Variants in ZNF563 observed in about 807,000 individuals in gnomAD.
ZNF563 encodes zinc finger protein 563.
Under a neutral mutation model 48.5 loss-of-function variants are expected in ZNF563, and 39 were observed. The observed-to-expected ratio is 0.80, with a 90% CI of 0.62 to 1.05. The LOEUF (loss-of-function observed/expected upper bound fraction) is 1.05, where lower values mean the gene tolerates loss of function less well. ZNF563 is among the 50% of genes least tolerant of loss of function. ZNF563 has a pLI of 0.00. For synonymous variants in ZNF563, 168 were observed against 187.9 expected, an observed-to-expected ratio of 0.89 and a Z score of 0.87; for missense variants, 538 against 597.0, an observed-to-expected ratio of 0.90 and a Z score of 1.03.
chr19:12,319,099 T>C lies in ZNF563; in HGVS notation c.926A>G (p.Tyr309Cys), dbSNP rs45564645. 6.2e-6 allele frequency: 10 copies of C among 1,614,166 alleles called. No homozygotes were observed. The highest frequency in any genetic ancestry group is 2.2e-5 in the East Asian group (1 of 44,882). The change falls in exon 4 of 4, where the codon TAT becomes TGT. Residue 309 changes from tyrosine (Y) to cysteine (C), a missense_variant. Physicochemically the swap from Tyr to Cys is radical, Grantham distance 194. Transcript: ENST00000293725. ...HETTHSAEKPYECKQCGKTFH... is the reference protein window; with the variant it reads ...HETTHSAEKPCECKQCGKTFH... Reference sequence around the variant, plus strand: ...TGTTTTCCCGCATTGCTTACACTCATAGGGTTTCTCTGCACTGTGAGTGGT... The same window carrying C: ...TGTTTTCCCGCATTGCTTACACTCACAGGGTTTCTCTGCACTGTGAGTGGT...
chr19:12,323,057 A>G (rs927025578), intron 1 of ZNF563, among the ~76,000 whole-genome samples: 1 of 152,192 alleles, frequency 6.6e-6, no homozygotes, highest in African/African-American at 2.4e-5. Context: ...GAAGAGAGCT[A>G]CCATTAGCAG....
chr19:12,339,094 T>G, the ZNF563 span, among the ~76,000 whole-genome samples: 1 of 152,062 alleles, frequency 6.6e-6, no homozygotes, highest in East Asian at 1.9e-4. Flanking sequence ...GCTGCCATGA[T>G]GGGGCTCCAG....
At chr19:12,335,555 C>T (rs1969010331), upstream of ZNF563, among the ~76,000 whole-genome samples, 1 of 152,158 alleles carries the variant, frequency 6.6e-6, no homozygotes, top group South Asian at 2.1e-4. Flanking sequence ...ATAGCAAAAA[C>T]AAAAATTCCT....
At chr19:12,345,160 C>A in the ZNF563 span, among the ~76,000 whole-genome samples, 1 of 152,096 alleles carries the variant, frequency 6.6e-6, no homozygotes, top group African/African-American at 2.4e-5. Flanking sequence ...AAAATACTAC[C>A]AAAATCAATC....
the ZNF563 span, among the ~76,000 whole-genome samples, chr19:12,339,021 G>A: frequency 6.6e-6 from 1 of 152,178 alleles, no homozygotes; most frequent in African/African-American, 2.4e-5. Context: ...AGGCAGCCAT[G>A]CACATGTATT....
At chr19:12,325,322 A>G (rs1483770282) in intron 1 of ZNF563, among the ~76,000 whole-genome samples, 2 of 152,184 alleles carry the variant, frequency 1.3e-5, no homozygotes, top group African/African-American at 4.8e-5. Context: ...TCTACTAAAA[A>G]TATAAAAATT....
chr19:12,318,009 CT>C lies in ZNF563; in HGVS notation c.*584del, dbSNP rs373365616. On this transcript the variant is annotated 3_prime_UTR_variant, in exon 4 of 4. Transcript: ENST00000293725. ...TCTCCAGAGTGAATCCTTTCATGTA[CT>C]TTTTTTTTTTTTTTGAGACAGGGTC... is the stretch of plus-strand genomic sequence containing the variant. 1,708 of 143,382 alleles carry C rather than the reference CT, an allele frequency of 0.012. 4 individuals carry two copies. The highest frequency in any genetic ancestry group is 0.02 in the Middle Eastern group (6 of 300). The allele number at this position is 143,382 out of a possible 1,614,324, so 8.9% of individuals were successfully genotyped here. A position where few individuals can be genotyped will look rare whatever the true frequency, so the allele number is the denominator to read the frequency against.
intron 1 of ZNF563, among the ~76,000 whole-genome samples, chr19:12,331,020 A>G (rs944123738): frequency 6.6e-6 from 1 of 152,192 alleles, no homozygotes; most frequent in Non-Finnish European, 1.5e-5. Context: ...TGGAAAACTT[A>G]CTACACAGGC....
chr19:12,337,211 C>CTTT (rs769885046), upstream of ZNF563, among the ~76,000 whole-genome samples: 1,095 of 151,068 alleles, frequency 7.2e-3, 22 homozygotes, highest in African/African-American at 0.025. Flanking sequence ...TTATTTCTCT[C>CTTT]TTTTTTTTTG....
At position 12,321,014 on chromosome 19, in the gene ZNF563, C is replaced by T. The variant is rs1422696053; in HGVS notation, c.191+258G>A. The stretch of plus-strand genomic sequence containing the variant: ...AATTAACGAGGTGTGGTGGCTTGCA[C>T]GTGTAGTCCTGGCTACTCAGGAGGC... On this transcript the variant is annotated intron_variant, in intron 3 of 3. Transcript: ENST00000293725. Among the ~76,000 whole-genome samples the T allele has an allele frequency of 4.6e-5, 7 of 151,894 alleles. No individual in the cohort carries two copies. In the East Asian group the frequency reaches 9.8e-4, roughly 21 times the overall value.
chr19:12,344,362 C>CAAAAA, the ZNF563 span, among the ~76,000 whole-genome samples: 1 of 72,814 alleles, frequency 1.4e-5, no homozygotes, highest in Admixed American at 1.6e-4. Context: ...GACATTGTCT[C>CAAAAA]AAAAAAAAAA....
rs746751619 is a variant in ZNF563, at chr19:12,333,460, G to A, written c.3+20C>T. On this transcript the variant is annotated intron_variant, in intron 1 of 3. Coordinates refer to ENST00000293725, the MANE Select transcript of ZNF563 (RefSeq NM_145276.3). ...ACCAGCTCTTTCCCACTTTTGGGAC[G>A]CCTGACCCTGCACACGCACCATTTC... 1 of 1,613,374 alleles carries A rather than the reference G, an allele frequency of 6.2e-7. No individual in the cohort carries two copies. Among genetic ancestry groups the A allele is most frequent in the Non-Finnish European group, 8.5e-7 (1 of 1,179,664 alleles).
rs369824469 is a variant in ZNF563, at chr19:12,319,082, C to A, written c.943G>T (p.Gly315Trp). The change falls in exon 4 of 4, where the codon GGG becomes TGG. Residue 315 changes from glycine to tryptophan, a missense_variant. Coordinates refer to ENST00000293725, the MANE Select transcript of ZNF563 (RefSeq NM_145276.3). Reference protein sequence around the residue: ...AEKPYECKQCGKTFHHLGSFQ... With the variant: ...AEKPYECKQCWKTFHHLGSFQ... ...CTTCCAAGATGATGAAATGTTTTCCCGCATTGCTTACACTCATAGGGTTTC... is the reference window on the plus strand; with the variant it reads ...CTTCCAAGATGATGAAATGTTTTCCAGCATTGCTTACACTCATAGGGTTTC... 2 of 1,614,086 alleles carry A rather than the reference C, an allele frequency of 1.2e-6. No homozygotes were observed. Among genetic ancestry groups the A allele is most frequent in the South Asian group, 1.1e-5 (1 of 91,080 alleles).
In ZNF563 at chr19:12,322,460, C is replaced by A. The variant is rs1968655966; in HGVS notation, c.130+125G>T. On this transcript the variant is annotated intron_variant, in intron 2 of 3. Coordinates refer to ENST00000293725, the MANE Select transcript of ZNF563 (RefSeq NM_145276.3). Reference sequence around the variant, plus strand: ...ACAACTTCTTTCAGGGCTGTCACCTCTGAATTCTGTGTTGTTCAAGAGTCC... The same window carrying A: ...ACAACTTCTTTCAGGGCTGTCACCTATGAATTCTGTGTTGTTCAAGAGTCC... 1.5e-5 allele frequency: 16 copies of A among 1,080,938 alleles called. No homozygotes were observed. In the East Asian group the frequency reaches 6.2e-4, roughly 42 times the overall value. 67.0% of individuals were successfully genotyped at this position (1,080,938 alleles called of 1,614,324 possible).
intron 1 of ZNF563, among the ~76,000 whole-genome samples, chr19:12,323,302 G>C (rs1389353818): frequency 6.6e-6 from 1 of 152,222 alleles, no homozygotes; most frequent in Non-Finnish European, 1.5e-5. Context: ...AGTTTGAATG[G>C]TTGTCCCCTC....
rs370462124 is a variant in ZNF563 at position 12,318,612 on chromosome 19, G to A, written c.1413C>T (p.His471=). The change falls in exon 4 of 4, where the codon CAC becomes CAT. Residue 471 remains histidine (H), a synonymous_variant. Transcript: ENST00000293725. ...PSVCQRHEKT[H]WRETI ...TTTACATTCATATTGTTTCTCTCCA[G>A]TGAGTCTTTTCATGTCTTTGACATA... 1.9e-6 allele frequency: 3 copies of A among 1,613,462 alleles called. No homozygotes were observed. The highest frequency in any genetic ancestry group is 2.5e-6 in the Non-Finnish European group (3 of 1,179,642).
chr19:12,335,742 G>T (rs1969013608), upstream of ZNF563, among the ~76,000 whole-genome samples: 1 of 152,134 alleles, frequency 6.6e-6, no homozygotes, highest in Admixed American at 6.5e-5. Flanking sequence ...AGACACACAG[G>T]CCTTGTTGGG....
Position 12,319,648 on chromosome 19 carries a change from G to C in ZNF563, c.377C>G (p.Ser126Cys), listed in dbSNP as rs148651180. Residue 126 changes from serine to cysteine, a missense_variant, in exon 4 of 4, where the codon TCT becomes TGT. Transcript: ENST00000293725. ...LSLNSHIRVDSGHKPHEYQEY... is the reference protein window; with the variant it reads ...LSLNSHIRVDCGHKPHEYQEY... Reference sequence around the variant, plus strand: ...CTGATACTCATGTGGTTTGTGTCCAGAATCAACTCTGATGTGGCTATTAAG... The same window carrying C: ...CTGATACTCATGTGGTTTGTGTCCACAATCAACTCTGATGTGGCTATTAAG... 1 of 1,614,050 alleles carries C rather than the reference G, an allele frequency of 6.2e-7. No individual in the cohort carries two copies. The highest frequency in any genetic ancestry group is 1.3e-5 in the African/African-American group (1 of 74,924).
chr19:12,343,968 A>T, the ZNF563 span, among the ~76,000 whole-genome samples: 1 of 151,836 alleles, frequency 6.6e-6, no homozygotes, highest in Non-Finnish European at 1.5e-5. Context: ...TGACCTCGTG[A>T]TCCGCCCGCC....
Sources: allele counts gnomAD v4.1 joint callset (sites outside exome capture counted in the v4.1 genomes callset), GRCh38; gene constraint gnomAD v4.1.1; transcripts MANE v1.5; gene names NCBI Gene and HGNC (gene_info 2026-07-23, HGNC 2026-07-21).